CACNA1C: variants seen among roughly 807,000 people sequenced by gnomAD.
CACNA1C encodes calcium voltage-gated channel subunit alpha1 C.
A neutral mutation model predicts 229.0 loss-of-function variants in CACNA1C; 30 were observed. That is an observed-to-expected ratio of 0.13 (90% CI 0.10 to 0.18). The LOEUF (loss-of-function observed/expected upper bound fraction) is 0.18. Ranked by LOEUF, CACNA1C falls within the 10% of genes least tolerant of loss-of-function variation. CACNA1C has a pLI of 1.00. For synonymous variants in CACNA1C, 1,114 were observed against 1,132.5 expected (o/e 0.98, Z 0.33); for missense variants, 1,658 against 2,845.0 (o/e 0.58, Z 9.49).
chr12:2,325,412 A>G (rs562610607), intron 3 of CACNA1C, among the ~76,000 whole-genome samples: 140 of 152,360 alleles, frequency 9.2e-4, no homozygotes, highest in Non-Finnish European at 1.5e-3. Context: ...CCTGGAACCA[A>G]TCCTAAGAAG....
At chr12:2,278,366 A>G (rs1159413196) in intron 3 of CACNA1C, among the ~76,000 whole-genome samples, 3 of 152,210 alleles carry the variant, frequency 2.0e-5, no homozygotes, top group Non-Finnish European at 4.4e-5. Flanking sequence ...GAGCATATCC[A>G]TCACTCCCAA....
At chr12:2,398,068 C>T (rs921407601) in intron 3 of CACNA1C, among the ~76,000 whole-genome samples, 2 of 152,190 alleles carry the variant, frequency 1.3e-5, no homozygotes, top group Non-Finnish European at 2.9e-5. Context: ...AAGCTGGAGG[C>T]GCAATTAGAA....
chr12:2,057,083 A>G (rs1290886435), intron 1 of CACNA1C, among the ~76,000 whole-genome samples: 1 of 152,220 alleles, frequency 6.6e-6, no homozygotes, highest in Non-Finnish European at 1.5e-5. Context: ...TGCTTTGTAA[A>G]TGAAATGATG....
chr12:2,554,406 G>A (rs564760893), intron 10 of CACNA1C, among the ~76,000 whole-genome samples: 1 of 152,150 alleles, frequency 6.6e-6, no homozygotes, highest in South Asian at 2.1e-4. Flanking sequence ...TCAACCTGAG[G>A]TAGGAATTGT....
Position 2,575,105 on chromosome 12 carries a change from C to T in CACNA1C, c.1896-6485C>T, listed in dbSNP as rs1258571558. 1.3e-5 allele frequency among the ~76,000 whole-genome samples: 2 copies of T among 152,226 alleles called. No homozygotes were observed. Among genetic ancestry groups the T allele is most frequent in the Non-Finnish European group, 2.9e-5 (2 of 68,042 alleles). On this transcript the variant is annotated intron_variant, in intron 13 of 46. Coordinates refer to ENST00000399655, the MANE Select transcript of CACNA1C (RefSeq NM_000719.7). This position sits in a 1 kb window ranked among gnomAD's most constrained non-coding sequence, Gnocchi z 4.0. ...ACCTTGCCCGCTTGACCAGGTTACA[C>T]TCCCCATGCAGGTTCCGTTCTTAAT...
chr12:2,641,644 GCA>G (rs2093706295), intron 30 of CACNA1C: 2 of 693,060 alleles, frequency 2.9e-6, no homozygotes, highest in African/African-American at 1.8e-5. Flanking sequence ...AGTGATTCCA[GCA>G]CAGTCATTCA....
Position 2,679,718 on chromosome 12 carries a change from G to C in CACNA1C, c.5366G>C (p.Ser1789Thr), listed in dbSNP as rs2097027264. The C allele has an allele frequency of 1.2e-6, 2 of 1,608,622 alleles. No homozygotes were observed. The highest frequency in any genetic ancestry group is 1.7e-6 in the Non-Finnish European group (2 of 1,177,530). The change falls in exon 42 of 47, where the codon AGC (serine) becomes ACC (threonine). Residue 1789 changes from serine (S) to threonine (T), a missense_variant. Coordinates refer to ENST00000399655, the MANE Select transcript of CACNA1C (RefSeq NM_000719.7). The surrounding 1 kb of genome is among the most constrained non-coding windows in gnomAD (Gnocchi z 5.5). ...PRPAGYPSTV[S>T]TVEGHGPPLS... ...CCCGCCGGCTACCCCAGCACGGTCA[G>C]CACTGTGGAGGGCCACGGGCCCCCC...
At chr12:2,223,644 C>T (rs916594345) in intron 3 of CACNA1C, among the ~76,000 whole-genome samples, 6 of 152,270 alleles carry the variant, frequency 3.9e-5, no homozygotes, top group South Asian at 2.1e-4. Flanking sequence ...GAGTTTGAAT[C>T]GGATCTCTCT....
chr12:2,518,523 G>C (rs1223408705), intron 9 of CACNA1C, among the ~76,000 whole-genome samples: 1 of 151,792 alleles, frequency 6.6e-6, no homozygotes, highest in Non-Finnish European at 1.5e-5. Context: ...CAGGAGAATG[G>C]CGTGAACCCA....
Position 2,632,512 on chromosome 12 carries a change from A to G in CACNA1C, c.3829-1785A>G, listed in dbSNP as rs1404174781. ...CCATTCCTTGGTTGACCTGTTGTCC[A>G]AGTACATGAAAAAAGTCTTTTAAGA... On this transcript the variant is annotated intron_variant, in intron 29 of 46. Transcript: ENST00000399655. The surrounding 1 kb of genome is among the most constrained non-coding windows in gnomAD (Gnocchi z 4.1). Among the ~76,000 whole-genome samples, 1 of 152,200 alleles carries G rather than the reference A, an allele frequency of 6.6e-6. No homozygotes were observed. The highest frequency in any genetic ancestry group is 1.5e-5 in the Non-Finnish European group (1 of 68,032).
chr12:2,340,520 T>C, intron 3 of CACNA1C, among the ~76,000 whole-genome samples: 1 of 152,338 alleles, frequency 6.6e-6, no homozygotes, highest in East Asian at 1.9e-4. Flanking sequence ...GTACAACCTC[T>C]AACAAAACAT....
chr12:2,208,909 G>A (rs941369609), intron 3 of CACNA1C, among the ~76,000 whole-genome samples: 4 of 152,180 alleles, frequency 2.6e-5, no homozygotes, highest in Admixed American at 6.5e-5. Context: ...CCTGTGACCT[G>A]ACCACTCTAA....
At chr12:2,039,352 C>T (rs2049690728) in intron 1 of CACNA1C, among the ~76,000 whole-genome samples, 2 of 152,278 alleles carry the variant, frequency 1.3e-5, no homozygotes, top group Middle Eastern at 6.8e-3. Flanking sequence ...AGAAGTAGGG[C>T]AGGTCTCTTG....
intron 3 of CACNA1C, among the ~76,000 whole-genome samples, chr12:2,309,971 G>GAGC (rs1422655478): frequency 6.6e-6 from 1 of 152,180 alleles, no homozygotes; most frequent in Non-Finnish European, 1.5e-5. Context: ...TTTCAGCAGG[G>GAGC]AGCAGTCTGG....
intron 3 of CACNA1C, among the ~76,000 whole-genome samples, chr12:2,283,956 C>T (rs1347240081): frequency 6.6e-6 from 1 of 152,150 alleles, no homozygotes; most frequent in East Asian, 1.9e-4. Context: ...TTCCAAGATC[C>T]GGGAGCTGGA....
At chr12:2,273,501 G>A (rs970957633) in intron 3 of CACNA1C, among the ~76,000 whole-genome samples, 4 of 152,176 alleles carry the variant, frequency 2.6e-5, no homozygotes, top group Non-Finnish European at 5.9e-5. Context: ...TGTGGGCTGG[G>A]AGCTCCTCCA....
chr12:2,042,942 C>CATAAATATGCCTGTACTTTG (rs1463673084), intron 1 of CACNA1C, among the ~76,000 whole-genome samples: 3 of 152,132 alleles, frequency 2.0e-5, no homozygotes, highest in Non-Finnish European at 4.4e-5. Flanking sequence ...TAAATACAAG[C>CATAAATATGCCTGTACTTTG]ATAAATATGC....
intron 3 of CACNA1C, among the ~76,000 whole-genome samples, chr12:2,191,883 TACACACAGG>T: frequency 1.5e-5 from 1 of 67,916 alleles, no homozygotes; most frequent in Admixed American, 1.6e-4. Context: ...GGCGCACACG[TACACACAGG>T]CACACACATG....
chr12:2,677,069 C>G lies in CACNA1C; in HGVS notation c.4829-25C>G. On this transcript the variant is annotated intron_variant, in intron 39 of 46. Transcript: ENST00000399655. The surrounding 1 kb of genome is among the most constrained non-coding windows in gnomAD (Gnocchi z 7.4). ...GAATTCCCCTGCTCCCCTCTTACCC[C>G]CTCTCCCCTCTCCATACGTCTCAGA... 1.2e-6 allele frequency: 2 copies of G among 1,606,980 alleles called. No homozygotes were observed. Among genetic ancestry groups the G allele is most frequent in the Non-Finnish European group, 1.7e-6 (2 of 1,175,114 alleles).
Sources: gnomAD v4.1 joint callset for allele counts (sites outside exome capture counted in the v4.1 genomes callset) on GRCh38, gnomAD v4.1.1 for gene constraint, Gnocchi (gnomAD v3.1) non-coding constraint, MANE v1.5 for transcripts, NCBI Gene and HGNC (gene_info 2026-07-23, HGNC 2026-07-21) for gene names.